Variants in ZNF678 observed in about 807,000 individuals in gnomAD.
ZNF678 encodes zinc finger protein 678.
In ZNF678, 5 loss-of-function variants were observed where a neutral mutation model predicts 3.0. The ratio of observed to expected loss-of-function variants is 1.69; its 90% CI spans 0.88 to 3.56. ZNF678 has a LOEUF of 3.56. ZNF678 is among the 30% of genes most tolerant of loss of function. The pLI, the probability that ZNF678 is intolerant of heterozygous loss-of-function variation, is 0.00. For synonymous variants in ZNF678, 218 were observed against 199.6 expected (o/e 1.09, Z -0.78); for missense variants, 593 against 605.0 (o/e 0.98, Z 0.21).
At chr1:227,629,609 C>T (rs542898251) in intron 1 of ZNF678, among the ~76,000 whole-genome samples, 1 of 152,350 alleles carries the variant, frequency 6.6e-6, no homozygotes, top group East Asian at 1.9e-4. Flanking sequence ...ACCTCCAGGC[C>T]TTCAATGGTT....
intron 1 of ZNF678, among the ~76,000 whole-genome samples, chr1:227,627,999 C>T (rs1040503461): frequency 3.3e-5 from 5 of 152,234 alleles, no homozygotes; most frequent in African/African-American, 1.2e-4. Context: ...CACAAGTGCA[C>T]AGTGGCAGCA....
intron 1 of ZNF678, among the ~76,000 whole-genome samples, chr1:227,635,823 G>A (rs968566435): frequency 6.6e-6 from 1 of 151,998 alleles, no homozygotes; most frequent in African/African-American, 2.4e-5. Context: ...TTGCACCGTG[G>A]GACTGGGCCT....
intron 3 of ZNF678, among the ~76,000 whole-genome samples, chr1:227,651,380 A>G (rs11806830): frequency 0.21 from 32,449 of 152,120 alleles, 3,613 homozygotes; most frequent in East Asian, 0.28. Context: ...TAGGTTGGCA[A>G]GACTGTCCAC....
At chr1:227,624,331 C>T (rs1658353929) in intron 1 of ZNF678, among the ~76,000 whole-genome samples, 1 of 152,160 alleles carries the variant, frequency 6.6e-6, no homozygotes, top group African/African-American at 2.4e-5. Context: ...CCCAATTTAA[C>T]AACTATCTAC....
chr1:227,567,022 C>T (rs1415783800), intron 1 of ZNF678, among the ~76,000 whole-genome samples: 1 of 152,158 alleles, frequency 6.6e-6, no homozygotes, highest in African/African-American at 2.4e-5. Flanking sequence ...CATGAAACAT[C>T]AGTTCCTCTT....
At chr1:227,608,737 AGCACTTAAAAT>A (rs1657941889) in intron 1 of ZNF678, among the ~76,000 whole-genome samples, 1 of 152,222 alleles carries the variant, frequency 6.6e-6, no homozygotes, top group Non-Finnish European at 1.5e-5. Context: ...ATGTTATAAG[AGCACTTAAAAT>A]GCCCGGTAGA....
intron 1 of ZNF678, among the ~76,000 whole-genome samples, chr1:227,599,490 A>C (rs777995238): frequency 7.9e-5 from 12 of 152,194 alleles, no homozygotes; most frequent in Non-Finnish European, 1.8e-4. Flanking sequence ...ACTGAGTTAT[A>C]CTTTTTTTTA....
intron 1 of ZNF678, among the ~76,000 whole-genome samples, chr1:227,601,542 G>A (rs934696718): frequency 6.6e-6 from 1 of 150,820 alleles, no homozygotes; most frequent in African/African-American, 2.4e-5. Flanking sequence ...TTGGCTGTTG[G>A]CTTTATAATT....
intron 3 of ZNF678, among the ~76,000 whole-genome samples, chr1:227,652,869 T>C (rs1213639672): frequency 1.3e-5 from 2 of 152,142 alleles, no homozygotes; most frequent in African/African-American, 4.8e-5. Context: ...TATGTATTTG[T>C]ATATAATTTT....
At chr1:227,632,806 C>A (rs4462138) in intron 1 of ZNF678, among the ~76,000 whole-genome samples, 1 of 152,112 alleles carries the variant, frequency 6.6e-6, no homozygotes, top group African/African-American at 2.4e-5. Context: ...CAAATATTAC[C>A]GGCGGGTCTT....
rs1657116748 is a variant in ZNF678 at position 227,580,983 on chromosome 1, C to G, written c.-164+17259C>G. 2.6e-5 allele frequency among the ~76,000 whole-genome samples: 4 copies of G among 151,536 alleles called. No individual in the cohort carries two copies. In the South Asian group the frequency reaches 8.3e-4, roughly 32 times the overall value. On this transcript the variant is annotated intron_variant, in intron 1 of 3. Coordinates refer to ENST00000343776, the MANE Select transcript of ZNF678 (RefSeq NM_001367909.1). Reference sequence around the variant, plus strand: ...ATAAATTAATATTGCAAGAGTGATACATTTAGAGTATGGACTTCTATATAA... The same window carrying G: ...ATAAATTAATATTGCAAGAGTGATAGATTTAGAGTATGGACTTCTATATAA...
chr1:227,604,436 A>T (rs535039819), intron 1 of ZNF678, among the ~76,000 whole-genome samples: 7 of 152,312 alleles, frequency 4.6e-5, no homozygotes, highest in African/African-American at 1.7e-4. Context: ...CCCAGGCTGG[A>T]GTGCAATGGC....
intron 1 of ZNF678, among the ~76,000 whole-genome samples, chr1:227,570,542 C>T (rs1025381566): frequency 1.3e-5 from 2 of 152,172 alleles, no homozygotes; most frequent in Non-Finnish European, 2.9e-5. Context: ...CTATACTGTC[C>T]AGGCTGTTCT....
At chr1:227,610,558 A>G (rs1471649481) in intron 1 of ZNF678, among the ~76,000 whole-genome samples, 1 of 152,144 alleles carries the variant, frequency 6.6e-6, no homozygotes, top group Non-Finnish European at 1.5e-5. Flanking sequence ...AAGCCTTTAG[A>G]ATACCTGCCA....
downstream of ZNF678, among the ~76,000 whole-genome samples, chr1:227,677,697 T>C (rs1350704026): frequency 6.6e-6 from 1 of 152,214 alleles, no homozygotes; most frequent in East Asian, 1.9e-4. Context: ...GAGACAGTTC[T>C]CACAGGCAGA....
chr1:227,613,380 A>G (rs962565567), intron 1 of ZNF678, among the ~76,000 whole-genome samples: 1 of 152,018 alleles, frequency 6.6e-6, no homozygotes, highest in Non-Finnish European at 1.5e-5. Flanking sequence ...GCTACCCACA[A>G]CTTTGGGCAA....
rs968472750 is a variant in ZNF678 at position 227,657,025 on chromosome 1, G to A, written c.*1197G>A. On this transcript the variant is annotated 3_prime_UTR_variant, in exon 4 of 4. Transcript: ENST00000343776. ...TGGGGAGGTTTTTTTTATGTGATATGCTTTGGTTTTTTTGTGCCTTACCTC... is the reference window on the plus strand; with the variant it reads ...TGGGGAGGTTTTTTTTATGTGATATACTTTGGTTTTTTTGTGCCTTACCTC... The A allele has an allele frequency of 1.3e-5, 2 of 151,704 alleles. No homozygotes were observed. Among genetic ancestry groups the A allele is most frequent in the African/African-American group, 2.4e-5 (1 of 41,332 alleles). The allele number at this position is 151,704 out of a possible 1,614,324, so 9.4% of individuals were successfully genotyped here.
chr1:227,621,722 C>T (rs1056843401), intron 1 of ZNF678, among the ~76,000 whole-genome samples: 1 of 152,074 alleles, frequency 6.6e-6, no homozygotes, highest in African/African-American at 2.4e-5. Flanking sequence ...AATTCTAAGC[C>T]CCCCAACTGA....
At chr1:227,678,375 C>T (rs1229745505), downstream of ZNF678, among the ~76,000 whole-genome samples, 1 of 152,162 alleles carries the variant, frequency 6.6e-6, no homozygotes, top group Non-Finnish European at 1.5e-5. Flanking sequence ...AGTCTGTGAT[C>T]GCTCTTTCCC....
Sources: allele counts gnomAD v4.1 joint callset (sites outside exome capture counted in the v4.1 genomes callset), GRCh38; gene constraint gnomAD v4.1.1; transcripts MANE v1.5; gene names NCBI Gene and HGNC (gene_info 2026-07-23, HGNC 2026-07-21).